The following MZF1 variants were observed in gnomAD, a reference collection of about 807,000 sequenced individuals.
The protein encoded by MZF1 is myeloid zinc finger 1, also known as zinc finger and SCAN domain-containing protein 6.
In MZF1, 24 loss-of-function variants were observed where a neutral mutation model predicts 28.6. The observed-to-expected ratio is 0.84, with a 90% CI of 0.61 to 1.18. The LOEUF (loss-of-function observed/expected upper bound fraction) is 1.18, where lower values mean the gene tolerates loss of function less well. MZF1 is among the 50% of genes most tolerant of loss of function. The probability of loss-of-function intolerance (pLI) is 0.00; values close to 1 mark genes in which losing one functional copy is unlikely to be tolerated. For synonymous variants in MZF1, 516 were observed against 432.5 expected (o/e 1.19, Z -2.40); for missense variants, 1,166 against 1,026.4 (o/e 1.14, Z -1.86).
Position 58,571,396 on chromosome 19 carries a change from T to C in MZF1, c.-7A>G, listed in dbSNP as rs762850649. 8 of 1,613,490 alleles carry C rather than the reference T, an allele frequency of 5.0e-6. No individual in the cohort carries two copies. The highest frequency in any genetic ancestry group is 3.3e-5 in the Admixed American group (2 of 59,920). On this transcript the variant is annotated 5_prime_UTR_variant, in exon 2 of 6. Coordinates refer to ENST00000215057, the MANE Select transcript of MZF1 (RefSeq NM_198055.2). ...CCAGCACCGCAGGCCTCATAGAGGG[T>C]ACCAGGTCAGGTATCTGAGGCCAGT...
In MZF1 at chr19:58,571,009, G is replaced by A. The variant is rs1178036409; in HGVS notation, c.381C>T (p.Gly127=). ...ACTCACTCACCCATCTCCGGGGTCCGCCCGGCTCCCGGCGCAGCCCATCTA... is the reference window on the plus strand; with the variant it reads ...ACTCACTCACCCATCTCCGGGGTCCACCCGGCTCCCGGCGCAGCCCATCTA... ...ALVDGLRREP[G]GPRRWVTVQV... The change falls in exon 2 of 6, where the codon GGC becomes GGT. Residue 127 remains glycine (G), a synonymous_variant. Transcript: ENST00000215057. 7.5e-6 allele frequency: 12 copies of A among 1,608,274 alleles called. No individual in the cohort carries two copies. The highest frequency in any genetic ancestry group is 2.2e-5 in the East Asian group (1 of 44,796).
At chr19:58,567,774 C>A (rs1365456365) in intron 5 of MZF1, among the ~76,000 whole-genome samples, 1 of 152,182 alleles carries the variant, frequency 6.6e-6, no homozygotes, top group Non-Finnish European at 1.5e-5. Context: ...GTGCCCCTCT[C>A]TTGCATATAA....
rs201061358 is a variant in MZF1 at position 58,563,026 on chromosome 19, A to C, written c.1251T>G (p.Cys417Trp). ...GCGCGCTGCGCACGAAGCCCTGGCC[A>C]CAGTCGCCGCACACGAACGGCCGCT... The part of the protein sequence containing the change: ...TEERPFVCGD[C>W]GQGFVRSARL... The change falls in exon 6 of 6, where the codon TGT (cysteine) becomes TGG (tryptophan). Residue 417 changes from cysteine to tryptophan, a missense_variant. Coordinates refer to ENST00000215057, the MANE Select transcript of MZF1 (RefSeq NM_198055.2). 17 of 1,602,020 alleles carry C rather than the reference A, an allele frequency of 1.1e-5. No individual in the cohort carries two copies. In the African/African-American group the frequency reaches 2.0e-4, roughly 19 times the overall value.
rs372763261 is a variant in MZF1 at position 58,563,335 on chromosome 19, T to C, written c.942A>G (p.Glu314=). ...AGGGATCCTCGTCCGTGGGGTCCTGTTCACTCCTCAGATCGCTGGGGAGCA... is the reference window on the plus strand; with the variant it reads ...AGGGATCCTCGTCCGTGGGGTCCTGCTCACTCCTCAGATCGCTGGGGAGCA... ...ALLLPSDLRS[E]QDPTDEDPCR... is the part of the protein sequence containing the mutation. The change falls in exon 6 of 6, where the codon GAA becomes GAG. Residue 314 remains glutamate, a synonymous_variant. Transcript: ENST00000215057. 1.2e-6 allele frequency: 2 copies of C among 1,609,222 alleles called. No homozygotes were observed. Among genetic ancestry groups the C allele is most frequent in the Non-Finnish European group, 1.7e-6 (2 of 1,178,168 alleles).
chr19:58,562,659 G>T lies in MZF1; in HGVS notation c.1618C>A (p.Pro540Thr). 2 of 1,545,502 alleles carry T rather than the reference G, an allele frequency of 1.3e-6. No individual in the cohort carries two copies. Among genetic ancestry groups the T allele is most frequent in the Non-Finnish European group, 1.7e-6 (2 of 1,151,544 alleles). ...QHRRVHSGER[P>T]FACAECGQSF... ...TGGCCGCACTCGGCACAGGCGAAGG[G>T]CCGCTCGCCACTGTGCACGCGCCGG... The change falls in exon 6 of 6, where the codon CCC becomes ACC. Residue 540 changes from proline (P) to threonine (T), a missense_variant. Transcript: ENST00000215057.
rs1248877864 is a variant in MZF1 at position 58,563,209 on chromosome 19, G to C, written c.1068C>G (p.Gly356=). Residue 356 remains glycine, a synonymous_variant, in exon 6 of 6, where the codon GGC becomes GGG. Coordinates refer to ENST00000215057, the MANE Select transcript of MZF1 (RefSeq NM_198055.2). ...ACACCTTGCCACATACATCGCAACG[G>C]CCGCCCCTAACCACCCCGCCCCCAG... The part of the protein sequence containing the change: ...PSTGGGVVRG[G]RCDVCGKVFS... The C allele has an allele frequency of 6.2e-7, 1 of 1,610,964 alleles. No homozygotes were observed. The highest frequency in any genetic ancestry group is 8.5e-7 in the Non-Finnish European group (1 of 1,179,330).
Position 58,571,019 on chromosome 19 carries a change from C to G in MZF1, c.371G>C (p.Arg124Pro). Residue 124 changes from arginine (R) to proline (P), a missense_variant, in exon 2 of 6, where the codon CGG becomes CCG. Physicochemically the swap from Arg to Pro is moderately radical, Grantham distance 103. Transcript: ENST00000215057. Reference protein sequence around the residue: ...EAAALVDGLRREPGGPRRWVT... With the variant: ...EAAALVDGLRPEPGGPRRWVT... The stretch of plus-strand genomic sequence containing the variant: ...CCATCTCCGGGGTCCGCCCGGCTCC[C>G]GGCGCAGCCCATCTACTAGGGCAGC... The G allele has an allele frequency of 6.2e-7, 1 of 1,609,840 alleles. No individual in the cohort carries two copies. Among genetic ancestry groups the G allele is most frequent in the East Asian group, 2.2e-5 (1 of 44,810 alleles).
In MZF1 at chr19:58,562,582, C is replaced by T; in HGVS notation, c.1695G>A (p.Gly565=). The T allele has an allele frequency of 6.4e-7, 1 of 1,571,576 alleles. No individual in the cohort carries two copies. The highest frequency in any genetic ancestry group is 1.4e-5 in the African/African-American group (1 of 71,270). ...NLTQHRRIHT[G]ERPFACAECG... ...ACTCGGCGCAGGCGAAGGGCCGCTC[C>T]CCGGTGTGGATGCGCCGGTGCTGCG... Residue 565 remains glycine, a synonymous_variant, in exon 6 of 6, where the codon GGG becomes GGA. Transcript: ENST00000215057.
Position 58,562,056 on chromosome 19 carries a change from T to G in MZF1, c.*16A>C. Reference sequence around the variant, plus strand: ...GGTGTTCTGACCATGGCGGACACAGTGCGTCCCGGCTGGAGCTACTCGGCG... The same window carrying G: ...GGTGTTCTGACCATGGCGGACACAGGGCGTCCCGGCTGGAGCTACTCGGCG... On this transcript the variant is annotated 3_prime_UTR_variant, in exon 6 of 6. Coordinates refer to ENST00000215057, the MANE Select transcript of MZF1 (RefSeq NM_198055.2). The G allele has an allele frequency of 6.5e-7, 1 of 1,547,996 alleles. No individual in the cohort carries two copies. Among genetic ancestry groups the G allele is most frequent in the Non-Finnish European group, 8.7e-7 (1 of 1,147,770 alleles).
At chr19:58,570,893 A>C in intron 2 of MZF1, 101 bp downstream of exon 2, 12 of 1,350,590 alleles carry the variant, frequency 8.9e-6, no homozygotes, top group Non-Finnish European at 1.2e-5. Context: ...CTTCTGTACC[A>C]CAAGGGAGAA....
At chr19:58,570,165 G>C in intron 3 of MZF1, 179 bp downstream of exon 3, 1 of 623,592 alleles carries the variant, frequency 1.6e-6, no homozygotes, top group East Asian at 2.9e-5. Flanking sequence ...GAGGGGTAGT[G>C]ACAGCACTGG....
At position 58,562,779 on chromosome 19, in the gene MZF1, G is replaced by C; in HGVS notation, c.1498C>G (p.Leu500Val). 6.5e-7 allele frequency: 1 copy of C among 1,534,808 alleles called. No individual in the cohort carries two copies. The highest frequency in any genetic ancestry group is 1.2e-5 in the South Asian group (1 of 84,300). The change falls in exon 6 of 6, where the codon CTG becomes GTG. Residue 500 changes from leucine (L) to valine (V), a missense_variant. Leu to Val is a conservative substitution (Grantham distance 32, BLOSUM62 1). Transcript: ENST00000215057. ...GTGTGTACCGCCTGGTGCTCCAGCA[G>C]CACGGCGCGCCGCGCGAAGCTCTCG... Reference protein sequence around the residue: ...CRESFARRAVLLEHQAVHTGD... With the variant: ...CRESFARRAVVLEHQAVHTGD...
chr19:58,562,687 C>T lies in MZF1; in HGVS notation c.1590G>A (p.Gln530=), dbSNP rs1431912713. Residue 530 remains glutamine (Q), a synonymous_variant, in exon 6 of 6, where the codon CAG becomes CAA. Coordinates refer to ENST00000215057, the MANE Select transcript of MZF1 (RefSeq NM_198055.2). The part of the protein sequence containing the change: ...ERFGRRSVLL[Q]HRRVHSGERP... ...GCTCGCCACTGTGCACGCGCCGGTGCTGCAGCAGCACTGAGCGGCGGCCGA... is the reference window on the plus strand; with the variant it reads ...GCTCGCCACTGTGCACGCGCCGGTGTTGCAGCAGCACTGAGCGGCGGCCGA... The T allele has an allele frequency of 2.6e-6, 4 of 1,538,476 alleles. No individual in the cohort carries two copies. The highest frequency in any genetic ancestry group is 3.5e-6 in the Non-Finnish European group (4 of 1,148,348).
intron 5 of MZF1, among the ~76,000 whole-genome samples, chr19:58,565,450 G>C (rs953030823): frequency 6.6e-6 from 1 of 152,000 alleles, no homozygotes; most frequent in Non-Finnish European, 1.5e-5. Flanking sequence ...GGCTGGTCTC[G>C]ATCTCCTGAC....
chr19:58,562,452 G>A lies in MZF1; in HGVS notation c.1825C>T (p.Arg609Cys), dbSNP rs1330481305. ...CPECGQRFSQ[R>C]LKLTRHQRTH... The stretch of plus-strand genomic sequence containing the variant: ...CTCTGATGACGCGTGAGCTTGAGGC[G>A]CTGGCTGAAGCGCTGGCCACACTCG... The change falls in exon 6 of 6, where the codon CGC becomes TGC. Residue 609 changes from arginine (R) to cysteine (C), a missense_variant. Physicochemically the swap from Arg to Cys is radical, Grantham distance 180. Transcript: ENST00000215057. The A allele has an allele frequency of 3.1e-6, 5 of 1,611,062 alleles. No individual in the cohort carries two copies. The highest frequency in any genetic ancestry group is 1.3e-5 in the African/African-American group (1 of 74,704).
At chr19:58,571,540 T>G in intron 1 of MZF1, 111 bp from the exon 2 acceptor site, 1 of 1,048,628 alleles carries the variant, frequency 9.5e-7, no homozygotes, top group Non-Finnish European at 1.3e-6. Flanking sequence ...GGAAGGCAGA[T>G]GAGGAAACAG....
chr19:58,570,539 C>A lies in MZF1; in HGVS notation c.397-12G>T, dbSNP rs1316835342. 3 of 1,607,338 alleles carry A rather than the reference C, an allele frequency of 1.9e-6. No homozygotes were observed. Among genetic ancestry groups the A allele is most frequent in the Non-Finnish European group, 2.5e-6 (3 of 1,176,672 alleles). ...ACCTGGACTGTGACCTGGGGAGGTGCCCCCACCATCAGAAGTCCTACCAGA... is the reference window on the plus strand; with the variant it reads ...ACCTGGACTGTGACCTGGGGAGGTGACCCCACCATCAGAAGTCCTACCAGA... On this transcript the variant is annotated splice_polypyrimidine_tract_variant and intron_variant, in intron 2 of 5. Coordinates refer to ENST00000215057, the MANE Select transcript of MZF1 (RefSeq NM_198055.2).
chr19:58,572,738 A>T lies in MZF1; in HGVS notation c.-41+317T>A, dbSNP rs879704333. ...TGAAACCCTGGGAGAGACTTGGGTC[A>T]TAGCCAAGATGGCAGGTACCTACGG... On this transcript the variant is annotated intron_variant, in intron 1 of 5. Coordinates refer to ENST00000215057, the MANE Select transcript of MZF1 (RefSeq NM_198055.2). 14 of 720,604 alleles carry T rather than the reference A, an allele frequency of 1.9e-5. No individual in the cohort carries two copies. The African/African-American group carries it at 2.6e-4, about 13-fold the overall frequency. The allele number at this position is 720,604 out of a possible 1,614,324, so 44.6% of individuals were successfully genotyped here.
chr19:58,562,310 G>C lies in MZF1; in HGVS notation c.1967C>G (p.Pro656Arg). Residue 656 changes from proline (P) to arginine (R), a missense_variant, in exon 6 of 6, where the codon CCC (proline) becomes CGC (arginine). Pro to Arg is a moderately radical substitution (Grantham distance 103, BLOSUM62 -2). Transcript: ENST00000215057. ...CTGCCGAAAGCTCTGGCCGCACTCG[G>C]GGCAGGCGAAGGGCCGTTCGCCCGT... is the stretch of plus-strand genomic sequence containing the variant. Reference protein sequence around the residue: ...IHTGERPFACPECGQSFRQHA... With the variant: ...IHTGERPFACRECGQSFRQHA... The C allele has an allele frequency of 1.2e-6, 2 of 1,609,672 alleles. No individual in the cohort carries two copies. The highest frequency in any genetic ancestry group is 1.7e-6 in the Non-Finnish European group (2 of 1,178,914).
Sources: gnomAD v4.1 joint callset for allele counts (sites outside exome capture counted in the v4.1 genomes callset) on GRCh38, gnomAD v4.1.1 for gene constraint, MANE v1.5 for transcripts, NCBI Gene and HGNC (gene_info 2026-07-23, HGNC 2026-07-21) for gene names.